GABRG3: variants seen among roughly 807,000 people sequenced by gnomAD.
GABRG3 encodes the protein gamma-aminobutyric acid type A receptor subunit gamma3.
A neutral mutation model predicts 48.8 loss-of-function variants in GABRG3; 25 were observed. The observed-to-expected ratio is 0.51, with a 90% CI of 0.37 to 0.72. The LOEUF (loss-of-function observed/expected upper bound fraction) is 0.72, where lower values mean the gene tolerates loss of function less well. Among genes scored for constraint, GABRG3 ranks in the 30% least tolerant of loss-of-function variants. The probability of loss-of-function intolerance (pLI) is 0.00; values close to 1 mark genes in which losing one functional copy is unlikely to be tolerated. For synonymous variants in GABRG3, 227 were observed against 217.6 expected, an observed-to-expected ratio of 1.04 and a Z score of -0.38; for missense variants, 394 against 577.9, an observed-to-expected ratio of 0.68 and a Z score of 3.26.
At chr15:27,220,581 G>A (rs544538731) in intron 3 of GABRG3, among the ~76,000 whole-genome samples, 2 of 152,306 alleles carry the variant, frequency 1.3e-5, no homozygotes, top group Non-Finnish European at 2.9e-5. Context: ...TGTGACAGCA[G>A]TGGGCATTTT....
At chr15:27,274,629 G>A (rs558131268) in intron 3 of GABRG3, among the ~76,000 whole-genome samples, 4 of 152,122 alleles carry the variant, frequency 2.6e-5, no homozygotes, top group Admixed American at 6.5e-5. Flanking sequence ...ATTTCAACAC[G>A]AGTTTTGGTG....
Position 27,357,223 on chromosome 15 carries a change from T to A in GABRG3, c.574+28335T>A, listed in dbSNP as rs9672616. On this transcript the variant is annotated intron_variant, in intron 5 of 9. Transcript: ENST00000615808. ...ACTAGCCCTTCTTGCACTTCCTCCC[T>A]GTTCTGCCAGTGGAACCATTCCTAG... is the stretch of plus-strand genomic sequence containing the variant. 2.0e-5 allele frequency among the ~76,000 whole-genome samples: 3 copies of A among 152,092 alleles called. No homozygotes were observed. The South Asian group carries it at 6.2e-4, about 32-fold the overall frequency.
chr15:26,989,854 A>T (rs1895216050), intron 2 of GABRG3, among the ~76,000 whole-genome samples: 1 of 152,026 alleles, frequency 6.6e-6, no homozygotes, highest in Admixed American at 6.6e-5. Flanking sequence ...TTGATTTTAG[A>T]TCCCACAAAT....
chr15:27,477,682 A>T (rs1039153549), intron 5 of GABRG3, among the ~76,000 whole-genome samples: 1 of 152,116 alleles, frequency 6.6e-6, no homozygotes, highest in Admixed American at 6.6e-5. Flanking sequence ...TATACAGGAA[A>T]TCTCTGAACT....
At chr15:27,153,313 A>G (rs1370371344) in intron 3 of GABRG3, among the ~76,000 whole-genome samples, 2 of 152,100 alleles carry the variant, frequency 1.3e-5, no homozygotes, top group Non-Finnish European at 2.9e-5. Context: ...CTTTTTGTGT[A>G]GGCAGTTTCT....
chr15:27,100,996 G>T (rs1036053918), intron 3 of GABRG3, among the ~76,000 whole-genome samples: 4 of 152,160 alleles, frequency 2.6e-5, no homozygotes, highest in African/African-American at 9.7e-5. Flanking sequence ...CAATTATTAG[G>T]CAAGTAGATT....
intron 3 of GABRG3, among the ~76,000 whole-genome samples, chr15:27,163,028 C>T (rs1159805396): frequency 1.3e-5 from 2 of 151,982 alleles, no homozygotes; most frequent in Admixed American, 6.5e-5. Context: ...ATCACTTTCA[C>T]TCTACCTCTT....
chr15:27,132,483 T>TTG (rs1897935693), intron 3 of GABRG3, among the ~76,000 whole-genome samples: 1 of 146,318 alleles, frequency 6.8e-6, no homozygotes, highest in Admixed American at 6.8e-5. Context: ...TTTTTTTTTT[T>TTG]TTTTTTTTTT....
chr15:27,322,284 C>T (rs776692030), intron 3 of GABRG3, among the ~76,000 whole-genome samples: 6 of 152,174 alleles, frequency 3.9e-5, no homozygotes, highest in South Asian at 2.1e-4. Context: ...GATTTCAGAA[C>T]GAAGAAGAGC....
chr15:27,367,490 G>T (rs906874368), intron 5 of GABRG3, among the ~76,000 whole-genome samples: 2 of 152,090 alleles, frequency 1.3e-5, no homozygotes, highest in Non-Finnish European at 2.9e-5. Context: ...TTCCTAAAAG[G>T]TGTTTTATAT....
chr15:27,137,812 T>G (rs1225921304), intron 3 of GABRG3, among the ~76,000 whole-genome samples: 1 of 152,194 alleles, frequency 6.6e-6, no homozygotes, highest in East Asian at 1.9e-4. Context: ...CTTGTCTTTC[T>G]CCCCTTTCCT....
At chr15:26,980,735 C>A (rs1895038525) in intron 2 of GABRG3, among the ~76,000 whole-genome samples, 1 of 148,266 alleles carries the variant, frequency 6.7e-6, no homozygotes, top group Admixed American at 6.7e-5. Context: ...TGAGACTATT[C>A]TTTTCTTATG....
chr15:27,414,000 C>T (rs1220489175), intron 5 of GABRG3, among the ~76,000 whole-genome samples: 1 of 152,056 alleles, frequency 6.6e-6, no homozygotes, highest in African/African-American at 2.4e-5. Context: ...AGGTGGAGTT[C>T]CTTAGAGATG....
At chr15:27,009,273 G>A (rs2140665044) in intron 2 of GABRG3, among the ~76,000 whole-genome samples, 1 of 152,288 alleles carries the variant, frequency 6.6e-6, no homozygotes, top group African/African-American at 2.4e-5. Flanking sequence ...GGGTGGGTTG[G>A]TCTTGGGAAT....
At chr15:27,308,009 CGT>C (rs1395794359) in intron 3 of GABRG3, among the ~76,000 whole-genome samples, 2 of 133,820 alleles carry the variant, frequency 1.5e-5, no homozygotes, top group Non-Finnish European at 3.2e-5. Context: ...TTATAATAAA[CGT>C]ATATATAAAA....
Position 27,099,553 on chromosome 15 carries a change from T to C in GABRG3, c.270+72732T>C, listed in dbSNP as rs116450683. On this transcript the variant is annotated intron_variant, in intron 3 of 9. Transcript: ENST00000615808. ...TCATTACGTCTTTGAAGACCCAATC[T>C]CCAAATGCAATGACACTCTAAAGTG... is the stretch of plus-strand genomic sequence containing the variant. Among the ~76,000 whole-genome samples, 558 of 152,244 alleles carry C rather than the reference T, an allele frequency of 3.7e-3. 1 individual carries two copies. Among genetic ancestry groups the C allele is most frequent in the African/African-American group, 0.013 (535 of 41,548 alleles).
At chr15:27,410,440 A>G (rs1158141233) in intron 5 of GABRG3, among the ~76,000 whole-genome samples, 1 of 152,042 alleles carries the variant, frequency 6.6e-6, no homozygotes, top group Non-Finnish European at 1.5e-5. Flanking sequence ...TTTGTTTTTG[A>G]CAAATATTGT....
At chr15:27,210,340 C>T (rs1243301462) in intron 3 of GABRG3, among the ~76,000 whole-genome samples, 1 of 152,214 alleles carries the variant, frequency 6.6e-6, no homozygotes, top group Non-Finnish European at 1.5e-5. Flanking sequence ...GATGAGTAAT[C>T]ATGAACACGT....
intron 5 of GABRG3, among the ~76,000 whole-genome samples, chr15:27,411,046 G>A (rs1887782580): frequency 6.6e-6 from 1 of 152,056 alleles, no homozygotes; most frequent in Non-Finnish European, 1.5e-5. Flanking sequence ...ACATGAGTAT[G>A]CCCTTATAGA....
Sources: allele counts gnomAD v4.1 joint callset (sites outside exome capture counted in the v4.1 genomes callset), GRCh38; gene constraint gnomAD v4.1.1; transcripts MANE v1.5; gene names NCBI Gene and HGNC (gene_info 2026-07-23, HGNC 2026-07-21).